The following ADGRL3 variants were observed in gnomAD, a reference collection of about 807,000 sequenced individuals.
ADGRL3 encodes the protein calcium-independent alpha-latrotoxin receptor 3.
A neutral mutation model predicts 153.5 loss-of-function variants in ADGRL3; 62 were observed. The observed-to-expected ratio is 0.40, with a 90% CI of 0.33 to 0.50. The LOEUF is 0.50. ADGRL3 is among the 20% of genes least tolerant of loss of function. ADGRL3 has a pLI of 0.47. For missense variants in ADGRL3, 1,641 were observed against 1,859.4 expected (o/e 0.88, Z 2.16); for synonymous variants, 710 against 672.5 (o/e 1.06, Z -0.86).
chr4:61,578,740 A>C (rs549388893), intron 4 of ADGRL3, among the ~76,000 whole-genome samples: 1 of 152,142 alleles, frequency 6.6e-6, no homozygotes, highest in South Asian at 2.1e-4. Context: ...GACCAACTCA[A>C]ATCTTCGTCA....
At chr4:61,953,394 C>T (rs1244236361) in intron 17 of ADGRL3, among the ~76,000 whole-genome samples, 2 of 152,172 alleles carry the variant, frequency 1.3e-5, no homozygotes, top group Non-Finnish European at 2.9e-5. Context: ...TCTCCCAATG[C>T]ACTGAATTGC....
At chr4:61,596,064 G>C (rs1270843104) in intron 5 of ADGRL3, among the ~76,000 whole-genome samples, 1 of 152,154 alleles carries the variant, frequency 6.6e-6, no homozygotes, top group African/African-American at 2.4e-5. Context: ...ATTCAAGACT[G>C]CCTCTCCTGC....
intron 1 of ADGRL3, among the ~76,000 whole-genome samples, chr4:61,233,437 T>C (rs889209912): frequency 6.6e-6 from 1 of 152,056 alleles, no homozygotes; most frequent in Non-Finnish European, 1.5e-5. Context: ...AGGTAATAAG[T>C]CCTATGTAGG....
At chr4:61,960,199 T>C (rs1162929168) in intron 17 of ADGRL3, among the ~76,000 whole-genome samples, 1 of 152,184 alleles carries the variant, frequency 6.6e-6, no homozygotes, top group Non-Finnish European at 1.5e-5. Flanking sequence ...TATTCAAATT[T>C]GAAATTATGT....
chr4:61,302,386 A>G (rs2094607192), intron 1 of ADGRL3, among the ~76,000 whole-genome samples: 1 of 152,166 alleles, frequency 6.6e-6, no homozygotes, highest in African/African-American at 2.4e-5. Flanking sequence ...CTTTGAAGCA[A>G]ATGGTTTATA....
intron 8 of ADGRL3, among the ~76,000 whole-genome samples, chr4:61,795,800 A>G (rs2097403205): frequency 6.6e-6 from 1 of 152,160 alleles, no homozygotes; most frequent in African/African-American, 2.4e-5. Flanking sequence ...TTGGCAAATA[A>G]CAAGCATAAT....
At chr4:62,067,638 AGAG>A (rs1430906999) in intron 25 of ADGRL3, among the ~76,000 whole-genome samples, 1 of 152,116 alleles carries the variant, frequency 6.6e-6, no homozygotes, top group African/African-American at 2.4e-5. Context: ...GTGCAGGAAA[AGAG>A]AAGATACATA....
At chr4:61,443,855 A>G (rs1466186717) in intron 2 of ADGRL3, among the ~76,000 whole-genome samples, 2 of 152,210 alleles carry the variant, frequency 1.3e-5, no homozygotes, top group Admixed American at 1.3e-4. Context: ...TGTGAAATTT[A>G]TATCAAAAAT....
chr4:61,752,207 G>C (rs887887211), intron 8 of ADGRL3, among the ~76,000 whole-genome samples: 3 of 152,046 alleles, frequency 2.0e-5, no homozygotes, highest in Non-Finnish European at 4.4e-5. Flanking sequence ...CAAGAATAAA[G>C]AATAGAAATT....
At chr4:61,869,380 T>C (rs936500098) in intron 9 of ADGRL3, among the ~76,000 whole-genome samples, 5 of 149,270 alleles carry the variant, frequency 3.3e-5, no homozygotes, top group Non-Finnish European at 5.9e-5. Context: ...GGGTGGATCA[T>C]GAGGTCAGGA....
chr4:61,362,898 A>G (rs190668962), intron 1 of ADGRL3, among the ~76,000 whole-genome samples: 12 of 152,276 alleles, frequency 7.9e-5, no homozygotes, highest in Admixed American at 4.6e-4. Context: ...GCTGTAATGT[A>G]TCTCCATGTC....
intron 4 of ADGRL3, among the ~76,000 whole-genome samples, chr4:61,547,266 T>A (rs2098718021): frequency 6.6e-6 from 1 of 151,978 alleles, no homozygotes; most frequent in Admixed American, 6.6e-5. Context: ...GTTTTTTGGT[T>A]TTTTTTACTT....
chr4:61,469,254 A>T (rs335335), intron 2 of ADGRL3, among the ~76,000 whole-genome samples: 130,976 of 152,010 alleles, frequency 0.86, 58,688 homozygotes, highest in Non-Finnish European at 0.97. Context: ...TTGTTAGGAA[A>T]TTAATTGTTT....
chr4:62,040,159 G>A (rs540106542), intron 24 of ADGRL3, among the ~76,000 whole-genome samples: 29 of 152,130 alleles, frequency 1.9e-4, no homozygotes, highest in African/African-American at 6.5e-4. Context: ...GACATCTTAA[G>A]TTGCTAAGAA....
At chr4:61,345,078 G>A (rs775713185) in intron 1 of ADGRL3, among the ~76,000 whole-genome samples, 5 of 151,816 alleles carry the variant, frequency 3.3e-5, no homozygotes, top group African/African-American at 7.3e-5. Context: ...GATTACAGGC[G>A]TGAGACATCA....
intron 17 of ADGRL3, among the ~76,000 whole-genome samples, chr4:61,959,761 T>C (rs1407771684): frequency 6.6e-6 from 1 of 152,156 alleles, no homozygotes; most frequent in Non-Finnish European, 1.5e-5. Flanking sequence ...ATTAGCTTTA[T>C]TATTAGAAAT....
intron 25 of ADGRL3, among the ~76,000 whole-genome samples, chr4:62,051,222 T>A (rs1701362091): frequency 6.7e-6 from 1 of 149,590 alleles, no homozygotes; most frequent in South Asian, 2.1e-4. Context: ...TATGTACATG[T>A]TATTGATAGA....
chr4:61,249,646 G>T (rs545899773), intron 1 of ADGRL3, among the ~76,000 whole-genome samples: 1 of 152,276 alleles, frequency 6.6e-6, no homozygotes, highest in African/African-American at 2.4e-5. Context: ...TCATTAGCTT[G>T]AATTTAATCA....
intron 21 of ADGRL3, among the ~76,000 whole-genome samples, chr4:62,012,263 G>A (rs1209229251): frequency 6.6e-6 from 1 of 152,120 alleles, no homozygotes; most frequent in Non-Finnish European, 1.5e-5. Flanking sequence ...AAAGACAGGT[G>A]CTCCCTGGTT....
Sources: allele counts gnomAD v4.1 joint callset (sites outside exome capture counted in the v4.1 genomes callset), GRCh38; gene constraint gnomAD v4.1.1; transcripts MANE v1.5; gene names NCBI Gene and HGNC (gene_info 2026-07-23, HGNC 2026-07-21).